The following HLF variants were observed in gnomAD, a reference collection of about 807,000 sequenced individuals.
HLF encodes hepatic leukemia factor.
In HLF, 3 loss-of-function variants were observed where a neutral mutation model predicts 22.6. That is an observed-to-expected ratio of 0.13 (90% confidence interval 0.06 to 0.34). HLF has a LOEUF of 0.34. Among genes scored for constraint, HLF ranks in the 10% least tolerant of loss-of-function variants. The probability of loss-of-function intolerance (pLI) is 1.00; values close to 1 mark genes in which losing one functional copy is unlikely to be tolerated. For missense variants in HLF, 299 were observed against 389.2 expected (o/e 0.77, Z 1.95); for synonymous variants, 151 against 151.8 (o/e 0.99, Z 0.04).
At position 55,321,567 on chromosome 17, in the gene HLF, AAC is replaced by A. The variant is rs763592963; in HGVS notation, c.*692_*693del. 9.0e-4 allele frequency: 207 copies of A among 229,220 alleles called. No individual in the cohort carries two copies. Among genetic ancestry groups the A allele is most frequent in the Non-Finnish European group, 1.5e-3 (172 of 115,316 alleles). 14.2% of individuals were successfully genotyped at this position (229,220 alleles called of 1,614,324 possible). ...AGATAAGTAAGAGTACTATTAATAG[AAC>A]ACAGAGTGTGTTTTTGCACTGTCTG... On this transcript the variant is annotated 3_prime_UTR_variant, in exon 4 of 4. Coordinates refer to ENST00000226067, the MANE Select transcript of HLF (RefSeq NM_002126.5).
chr17:55,269,651 A>G (rs990380408), intron 2 of HLF, among the ~76,000 whole-genome samples: 1 of 152,232 alleles, frequency 6.6e-6, no homozygotes, highest in Non-Finnish European at 1.5e-5. Context: ...GTTATTGTGA[A>G]AATTAGAGAT....
Position 55,315,192 on chromosome 17 carries a change from G to A in HLF, c.452-35G>A, listed in dbSNP as rs368814378. 1.9e-6 allele frequency: 3 copies of A among 1,551,634 alleles called. No individual in the cohort carries two copies. In the Admixed American group the frequency reaches 5.0e-5, roughly 26 times the overall value. ...GTAGCTGCCTACTGGGTCTCTCTAG[G>A]GTGTTCATGAATTAAAACTCCTGTG... On this transcript the variant is annotated intron_variant, in intron 2 of 3. Coordinates refer to ENST00000226067, the MANE Select transcript of HLF (RefSeq NM_002126.5).
intron 2 of HLF, among the ~76,000 whole-genome samples, chr17:55,274,871 G>A (rs1031103726): frequency 3.3e-5 from 5 of 152,176 alleles, no homozygotes; most frequent in African/African-American, 4.8e-5. Flanking sequence ...TCCCATGGGA[G>A]GACCAAGCGT....
At position 55,323,836 on chromosome 17, in the gene HLF, A is replaced by G; in HGVS notation, c.*2957A>G. The G allele has an allele frequency of 4.4e-6, 1 of 229,810 alleles. No individual in the cohort carries two copies. The highest frequency in any genetic ancestry group is 8.6e-6 in the Non-Finnish European group (1 of 115,862). 14.2% of individuals were successfully genotyped at this position (229,810 alleles called of 1,614,324 possible). On this transcript the variant is annotated 3_prime_UTR_variant, in exon 4 of 4. Coordinates refer to ENST00000226067, the MANE Select transcript of HLF (RefSeq NM_002126.5). ...TTGTCATTTTTCACCTTTTCATCCT[A>G]AGCATCTTTCAGAGATTAATTATTT...
intron 2 of HLF, among the ~76,000 whole-genome samples, chr17:55,277,748 G>C (rs1567813341): frequency 6.6e-6 from 1 of 152,122 alleles, no homozygotes; most frequent in South Asian, 2.1e-4. Flanking sequence ...ACCCAATCTA[G>C]TTCACTTAAA....
chr17:55,265,708 C>G lies in HLF; in HGVS notation c.115+109C>G, dbSNP rs994517187. ...CCCCCAACCCCGCTCCCGCCCTGTC[C>G]CGCGGCGCCCCGGCCCCGCGCTGAT... On this transcript the variant is annotated intron_variant, in intron 1 of 3. Transcript: ENST00000226067. 16 of 1,078,762 alleles carry G rather than the reference C, an allele frequency of 1.5e-5. No homozygotes were observed. In the African/African-American group the frequency reaches 2.7e-4, roughly 18 times the overall value. 66.8% of individuals were successfully genotyped at this position (1,078,762 alleles called of 1,614,324 possible).
At chr17:55,281,125 C>T (rs2080951305) in intron 2 of HLF, among the ~76,000 whole-genome samples, 1 of 152,186 alleles carries the variant, frequency 6.6e-6, no homozygotes, top group African/African-American at 2.4e-5. Flanking sequence ...TTACAAAGTA[C>T]ATCAGCATGA....
chr17:55,304,545 G>A (rs769849499), intron 2 of HLF, among the ~76,000 whole-genome samples: 29 of 152,248 alleles, frequency 1.9e-4, no homozygotes, highest in Non-Finnish European at 3.7e-4. Context: ...TGGAATGAGA[G>A]GCCTTGTTAA....
intron 2 of HLF, among the ~76,000 whole-genome samples, chr17:55,281,632 A>G (rs563217611): frequency 1.2e-4 from 19 of 152,354 alleles, no homozygotes; most frequent in African/African-American, 4.3e-4. Context: ...AGCAATAGCC[A>G]TTATGTGTTA....
At position 55,295,917 on chromosome 17, in the gene HLF, A is replaced by AT. The variant is rs899900333; in HGVS notation, c.452-19308dup. Among the ~76,000 whole-genome samples the AT allele has an allele frequency of 1.4e-4, 22 of 152,346 alleles. 1 individual carries two copies. The highest frequency in any genetic ancestry group is 6.8e-3 in the Middle Eastern group (2 of 294). On this transcript the variant is annotated intron_variant, in intron 2 of 3. Coordinates refer to ENST00000226067, the MANE Select transcript of HLF (RefSeq NM_002126.5). ...TCAGGTCAACATTTCCCAGGGTTAT[A>AT]TTAGAATGTATTGACTAACTGGTAG...
chr17:55,269,444 G>C lies in HLF; in HGVS notation c.451+1358G>C, dbSNP rs75721116. On this transcript the variant is annotated intron_variant, in intron 2 of 3. Transcript: ENST00000226067. ...TTTTTGTAGGAACAAGCAACAAAAT[G>C]AATAACCCTTCAAAGTGGGAAAACA... Among the ~76,000 whole-genome samples the C allele has an allele frequency of 4.4e-3, 670 of 152,192 alleles. 9 individuals carry two copies. The highest frequency in any genetic ancestry group is 0.015 in the African/African-American group (617 of 41,522).
intron 2 of HLF, among the ~76,000 whole-genome samples, chr17:55,285,457 C>G (rs553470068): frequency 2.6e-5 from 4 of 152,206 alleles, no homozygotes; most frequent in African/African-American, 9.6e-5. Flanking sequence ...TTCTCACTTG[C>G]ATTTGCCAGG....
Position 55,313,084 on chromosome 17 carries a change from G to T in HLF, c.452-2143G>T, listed in dbSNP as rs1015903895. 3.3e-5 allele frequency among the ~76,000 whole-genome samples: 5 copies of T among 152,158 alleles called. No individual in the cohort carries two copies. In the South Asian group the frequency reaches 6.2e-4, roughly 19 times the overall value. ...CGTACCTTGTCTGTGGTCCAGTTAG[G>T]TTTCTCCACTCTGCAGGTAGGGCTG... On this transcript the variant is annotated intron_variant, in intron 2 of 3. Coordinates refer to ENST00000226067, the MANE Select transcript of HLF (RefSeq NM_002126.5).
At chr17:55,270,935 C>G (rs921060586) in intron 2 of HLF, among the ~76,000 whole-genome samples, 1 of 152,210 alleles carries the variant, frequency 6.6e-6, no homozygotes, top group Non-Finnish European at 1.5e-5. Flanking sequence ...AGCCACCGCG[C>G]CCGGCCTTGG....
chr17:55,271,001 T>A (rs2080851452), intron 2 of HLF, among the ~76,000 whole-genome samples: 1 of 152,096 alleles, frequency 6.6e-6, no homozygotes. Flanking sequence ...GGCCCCTACC[T>A]CCTAGTTGCA....
intron 2 of HLF, among the ~76,000 whole-genome samples, chr17:55,285,265 G>C (rs1416622976): frequency 1.3e-5 from 2 of 152,212 alleles, no homozygotes; most frequent in Non-Finnish European, 2.9e-5. Context: ...TTGAGACGTG[G>C]TACCTTGGAT....
intron 1 of HLF, chr17:55,266,890 A>G (rs1598384225): frequency 4.2e-6 from 3 of 712,164 alleles, no homozygotes; most frequent in East Asian, 1.3e-4. Flanking sequence ...ACATAAATGT[A>G]TAGAATAACT....
chr17:55,320,914 G>A lies in HLF; in HGVS notation c.*35G>A, dbSNP rs1413239437. The A allele has an allele frequency of 6.5e-7, 1 of 1,538,216 alleles. No individual in the cohort carries two copies. Among genetic ancestry groups the A allele is most frequent in the Non-Finnish European group, 8.9e-7 (1 of 1,123,482 alleles). ...TTTGCAGGCTGGCTTTGGAATAGAT[G>A]GACAGTTTGTTTCCTGTCTGATAGC... On this transcript the variant is annotated 3_prime_UTR_variant, in exon 4 of 4. Transcript: ENST00000226067. This position sits in a 1 kb window ranked among gnomAD's most constrained non-coding sequence, Gnocchi z 4.2.
At chr17:55,281,312 G>A (rs1179480215) in intron 2 of HLF, among the ~76,000 whole-genome samples, 1 of 152,122 alleles carries the variant, frequency 6.6e-6, no homozygotes, top group African/African-American at 2.4e-5. Flanking sequence ...TCAGGAGCTC[G>A]AGACCAGCCT....
Sources: gnomAD v4.1 joint callset for allele counts (sites outside exome capture counted in the v4.1 genomes callset) on GRCh38, gnomAD v4.1.1 for gene constraint, Gnocchi (gnomAD v3.1) non-coding constraint, MANE v1.5 for transcripts, NCBI Gene and HGNC (gene_info 2026-07-23, HGNC 2026-07-21) for gene names.